Variants in COPB2 observed in about 807,000 individuals in gnomAD.
COPB2 encodes coat protein complex I subunit beta 2.
A neutral mutation model predicts 120.8 loss-of-function variants in COPB2; 16 were observed. The observed-to-expected ratio is 0.13, with a 90% CI of 0.09 to 0.20. The LOEUF is 0.20. COPB2 is among the 10% of genes least tolerant of loss of function. The pLI, the probability that COPB2 is intolerant of heterozygous loss-of-function variation, is 1.00. For missense variants in COPB2, 794 were observed against 1,076.5 expected (o/e 0.74, Z 3.67); for synonymous variants, 332 against 366.3 (o/e 0.91, Z 1.07).
At chr3:139,366,229 A>C (rs763355740) in intron 15 of COPB2, among the ~76,000 whole-genome samples, 1 of 151,714 alleles carries the variant, frequency 6.6e-6, no homozygotes, top group African/African-American at 2.4e-5. Flanking sequence ...GTCATGGTAC[A>C]TTTTATATGT....
chr3:139,376,431 C>T (rs1352911441), intron 5 of COPB2, among the ~76,000 whole-genome samples: 5 of 152,162 alleles, frequency 3.3e-5, no homozygotes, highest in Admixed American at 1.3e-4. Flanking sequence ...GGAGTATAAA[C>T]GTGTAACAAA....
chr3:139,368,888 CA>C lies in COPB2; in HGVS notation c.1401+372del, dbSNP rs546543955. 3.3e-5 allele frequency among the ~76,000 whole-genome samples: 5 copies of C among 152,222 alleles called. 1 individual carries two copies. The highest frequency in any genetic ancestry group is 3.4e-3 in the Middle Eastern group (1 of 292). On this transcript the variant is annotated intron_variant, in intron 12 of 21. Transcript: ENST00000333188. Reference sequence around the variant, plus strand: ...TAAACACTTTGTCACTGGAGATGGTCACCTCAAGTTCAAGCAGCTATCATCA... The same window carrying C: ...TAAACACTTTGTCACTGGAGATGGTCCCTCAAGTTCAAGCAGCTATCATCA...
At chr3:139,387,950 A>G (rs903381033) in intron 1 of COPB2, among the ~76,000 whole-genome samples, 5 of 152,232 alleles carry the variant, frequency 3.3e-5, no homozygotes, top group Non-Finnish European at 7.3e-5. Context: ...TTAGGCAGCC[A>G]TGTTTAGCAA....
chr3:139,360,647 T>C (rs139713472), intron 17 of COPB2, among the ~76,000 whole-genome samples: 1 of 152,308 alleles, frequency 6.6e-6, no homozygotes. Flanking sequence ...TTATGCTTTA[T>C]AGTGGGCTCA....
intron 3 of COPB2, 51 bp from the exon 4 acceptor site, chr3:139,379,224 C>CA: frequency 6.4e-7 from 1 of 1,559,982 alleles, no homozygotes; most frequent in Non-Finnish European, 8.7e-7. Flanking sequence ...GTAAATTATA[C>CA]AAAAAAACTA....
In COPB2 at chr3:139,373,283, G is replaced by A; in HGVS notation, c.1024C>T (p.Pro342Ser). 1 of 1,614,108 alleles carries A rather than the reference G, an allele frequency of 6.2e-7. No individual in the cohort carries two copies. Among genetic ancestry groups the A allele is most frequent in the South Asian group, 1.1e-5 (1 of 91,074 alleles). Residue 342 changes from proline to serine, a missense_variant, in exon 9 of 22, where the codon CCA (proline) becomes TCA (serine). Physicochemically the swap from Pro to Ser is moderately conservative, Grantham distance 74 (BLOSUM62 -1). This residue lies in a region of COPB2 where 610 missense variants were observed against 866.7 expected (regional missense o/e 0.70). Transcript: ENST00000333188. Reference sequence around the variant, plus strand: ...CTGCCCATATCCTTTACTGCCAGTGGCAATCTTTCACCATCTTTAATTTCA... The same window carrying A: ...CTGCCCATATCCTTTACTGCCAGTGACAATCTTTCACCATCTTTAATTTCA... Reference protein sequence around the residue: ...DAEIKDGERLPLAVKDMGSCE... With the variant: ...DAEIKDGERLSLAVKDMGSCE...
chr3:139,389,404 C>T (rs1942006215), intron 1 of COPB2, 144 bp downstream of exon 1: 11 of 1,067,862 alleles, frequency 1.0e-5, no homozygotes. Context: ...TTCCTGGAAT[C>T]AAACGACCAA....
rs370070117 is a variant in COPB2, at chr3:139,374,475, C to A, written c.751+14G>T. On this transcript the variant is annotated intron_variant, in intron 7 of 21. Transcript: ENST00000333188. ...AGTTACTAGCACAGGAATAAACATA[C>A]CCTTCTAACTTACCATCTTCTGAAC... 1 of 1,607,010 alleles carries A rather than the reference C, an allele frequency of 6.2e-7. No individual in the cohort carries two copies. Among genetic ancestry groups the A allele is most frequent in the African/African-American group, 1.3e-5 (1 of 74,898 alleles).
chr3:139,373,645 T>G (rs370210695), intron 8 of COPB2, 21 bp downstream of exon 8: 1 of 1,613,752 alleles, frequency 6.2e-7, no homozygotes, highest in Non-Finnish European at 8.5e-7. Context: ...GTCCACCTAC[T>G]GAGAGGGATA....
At chr3:139,387,055 A>AG (rs1373121977) in intron 1 of COPB2, among the ~76,000 whole-genome samples, 1 of 151,306 alleles carries the variant, frequency 6.6e-6, no homozygotes, top group East Asian at 1.9e-4. Context: ...AAAAAAAAAA[A>AG]AAAAAATTAG....
chr3:139,361,935 CTGCTGCTGAAGGT>C (rs1576369847), intron 16 of COPB2, among the ~76,000 whole-genome samples: 1 of 152,224 alleles, frequency 6.6e-6, no homozygotes, highest in East Asian at 1.9e-4. Context: ...CTAAGAGCAT[CTGCTGCTGAAGGT>C]GAGTGCCACC....
In COPB2 at chr3:139,375,465, T is replaced by C; in HGVS notation, c.651+3A>G. 2 of 1,611,482 alleles carry C rather than the reference T, an allele frequency of 1.2e-6. No homozygotes were observed. Among genetic ancestry groups the C allele is most frequent in the Non-Finnish European group, 1.7e-6 (2 of 1,178,284 alleles). On this transcript the variant is annotated splice_donor_region_variant and intron_variant, in intron 6 of 21. Coordinates refer to ENST00000333188, the MANE Select transcript of COPB2 (RefSeq NM_004766.3). Reference sequence around the variant, plus strand: ...ATGGAAGTAAGGTTATGAAAAACTGTACCTGATAATCCCATATTTTAACAA... The same window carrying C: ...ATGGAAGTAAGGTTATGAAAAACTGCACCTGATAATCCCATATTTTAACAA...
Position 139,357,548 on chromosome 3 carries a change from A to G in COPB2, c.*315T>C, listed in dbSNP as rs533337626. 4.5e-6 allele frequency: 1 copy of G among 223,586 alleles called. No individual in the cohort carries two copies. The highest frequency in any genetic ancestry group is 9.7e-5 in the East Asian group (1 of 10,354). The allele number at this position is 223,586 out of a possible 1,614,324, so 13.9% of individuals were successfully genotyped here. ...AGTTTCGGCTCAGCCTTCTAAAACT[A>G]GAAGCCTATTTTCATTATTGAGAAA... On this transcript the variant is annotated 3_prime_UTR_variant, in exon 22 of 22. Transcript: ENST00000333188.
At chr3:139,383,806 AACAAAAAT>A (rs1941858780) in intron 1 of COPB2, among the ~76,000 whole-genome samples, 1 of 89,148 alleles carries the variant, frequency 1.1e-5, no homozygotes, top group African/African-American at 2.5e-5. Context: ...ATTTTCAAAT[AACAAAAAT>A]AAATCCAGTA....
intron 17 of COPB2, among the ~76,000 whole-genome samples, chr3:139,359,890 T>C (rs2107795964): frequency 6.6e-6 from 1 of 152,298 alleles, no homozygotes; most frequent in South Asian, 2.1e-4. Context: ...GTATGTATAC[T>C]ATGTATTACC....
chr3:139,357,808 C>A lies in COPB2; in HGVS notation c.*55G>T. 1 of 948,488 alleles carries A rather than the reference C, an allele frequency of 1.1e-6. No homozygotes were observed. Among genetic ancestry groups the A allele is most frequent in the South Asian group, 1.7e-5 (1 of 60,262 alleles). 58.8% of individuals were successfully genotyped at this position (948,488 alleles called of 1,614,324 possible). ...AAAGCACTGTGGTCAGGGTAGCAAT[C>A]AATACCTATATATAATAATGATCTG... On this transcript the variant is annotated 3_prime_UTR_variant, in exon 22 of 22. Transcript: ENST00000333188.
rs572309003 is a variant in COPB2 at position 139,358,124 on chromosome 3, A to G, written c.2625+76T>C. 6 of 1,328,778 alleles carry G rather than the reference A, an allele frequency of 4.5e-6. No individual in the cohort carries two copies. The South Asian group carries it at 4.8e-5, about 11-fold the overall frequency. The allele number at this position is 1,328,778 out of a possible 1,614,324, so 82.3% of individuals were successfully genotyped here. A position where few individuals can be genotyped will look rare whatever the true frequency, so the allele number is the denominator to read the frequency against. On this transcript the variant is annotated intron_variant, in intron 21 of 21. Transcript: ENST00000333188. Reference sequence around the variant, plus strand: ...GAAACTGATGTCACTTAAACCACAGAGGCCTACGTATCCTCCAGATATTGA... The same window carrying G: ...GAAACTGATGTCACTTAAACCACAGGGGCCTACGTATCCTCCAGATATTGA...
At chr3:139,360,353 A>G (rs902518648) in intron 17 of COPB2, among the ~76,000 whole-genome samples, 1 of 151,914 alleles carries the variant, frequency 6.6e-6, no homozygotes, top group Non-Finnish European at 1.5e-5. Context: ...GTGAGACCCC[A>G]TCTCTATTAA....
Position 139,386,811 on chromosome 3 carries a change from T to C in COPB2, c.3+2737A>G, listed in dbSNP as rs904078027. Among the ~76,000 whole-genome samples, 9 of 152,196 alleles carry C rather than the reference T, an allele frequency of 5.9e-5. No individual in the cohort carries two copies. In the East Asian group the frequency reaches 1.4e-3, roughly 23 times the overall value. On this transcript the variant is annotated intron_variant, in intron 1 of 21. Coordinates refer to ENST00000333188, the MANE Select transcript of COPB2 (RefSeq NM_004766.3). The stretch of plus-strand genomic sequence containing the variant: ...TTAAAATATTTTAAATTATTGATTA[T>C]TGAGTAAAAGTGATGCTCCATAAGT...
Sources: allele counts gnomAD v4.1 joint callset (sites outside exome capture counted in the v4.1 genomes callset), GRCh38; gene constraint gnomAD v4.1.1; regional missense constraint gnomAD v4.1.1; transcripts MANE v1.5; gene names NCBI Gene and HGNC (gene_info 2026-07-23, HGNC 2026-07-21).